PPFIA2: variants seen among roughly 807,000 people sequenced by gnomAD.
The protein encoded by PPFIA2 is liprin-alpha-2.
In PPFIA2, 46 loss-of-function variants were observed where a neutral mutation model predicts 175.5. The observed-to-expected ratio is 0.26, with a 90% confidence interval of 0.21 to 0.34. The LOEUF is 0.34. PPFIA2 is among the 10% of genes least tolerant of loss of function. The pLI is 1.00. For synonymous variants in PPFIA2, 568 were observed against 511.4 expected, an observed-to-expected ratio of 1.11 and a Z score of -1.49; for missense variants, 1,179 against 1,506.1, an observed-to-expected ratio of 0.78 and a Z score of 3.60.
intron 14 of PPFIA2, 107 bp downstream of exon 14, chr12:81,367,001 T>A (rs1595660885): frequency 1.7e-6 from 2 of 1,198,524 alleles, no homozygotes; most frequent in East Asian, 5.9e-5. Context: ...TTTACAAAGA[T>A]AGCATACTAA....
intron 4 of PPFIA2, among the ~76,000 whole-genome samples, chr12:81,461,743 A>AT (rs2054572985): frequency 6.6e-6 from 1 of 151,552 alleles, no homozygotes; most frequent in Admixed American, 6.6e-5. Context: ...CTACCTTTTC[A>AT]TTTTTTTCAA....
chr12:81,754,193 T>A lies in PPFIA2; in HGVS notation c.29A>T (p.Asn10Ile). MMCEVMPTI[N>I]EDTPMSQRGS... Reference sequence around the variant, plus strand: ...CCTTTGGCTCATTGGGGTGTCCTCATTAATCGTGGGCATCACTTCACACAT... The same window carrying A: ...CCTTTGGCTCATTGGGGTGTCCTCAATAATCGTGGGCATCACTTCACACAT... Residue 10 changes from asparagine (N) to isoleucine (I), a missense_variant, in exon 3 of 33, where the codon AAT becomes ATT. Asn to Ile is a moderately radical substitution (Grantham distance 149). Around this residue, in one of 10 missense-constraint regions of PPFIA2, gnomAD observed 128 missense variants for 141.4 expected, o/e 0.91. Coordinates refer to ENST00000549396, the MANE Select transcript of PPFIA2 (RefSeq NM_003625.5). 1.2e-6 allele frequency: 2 copies of A among 1,608,266 alleles called. No individual in the cohort carries two copies. Among genetic ancestry groups the A allele is most frequent in the Non-Finnish European group, 1.7e-6 (2 of 1,176,942 alleles).
intron 28 of PPFIA2, among the ~76,000 whole-genome samples, chr12:81,269,773 G>A (rs890713222): frequency 3.3e-5 from 5 of 151,964 alleles, no homozygotes; most frequent in Non-Finnish European, 5.9e-5. Flanking sequence ...ATTTATCTAC[G>A]CTTTAGCAAA....
rs183057839 is a variant in PPFIA2, at chr12:81,426,776, A to G, written c.645+13196T>C. Among the ~76,000 whole-genome samples the G allele has an allele frequency of 5.2e-3, 785 of 152,206 alleles. 4 individuals are homozygous for G. The highest frequency in any genetic ancestry group is 8.3e-3 in the Non-Finnish European group (567 of 68,000). On this transcript the variant is annotated intron_variant, in intron 7 of 32. Transcript: ENST00000549396. ...ACTTTCTTGTTAAAAATGACATGGG[A>G]ACAAATAGGTACTGCAGAAATCCTT...
intron 4 of PPFIA2, among the ~76,000 whole-genome samples, chr12:81,562,306 T>C (rs1301921273): frequency 6.6e-6 from 1 of 152,212 alleles, no homozygotes; most frequent in African/African-American, 2.4e-5. Context: ...GTTAATTGTC[T>C]TGATGTTCTT....
intron 3 of PPFIA2, among the ~76,000 whole-genome samples, chr12:81,718,851 G>A (rs889757438): frequency 1.3e-5 from 2 of 151,590 alleles, no homozygotes; most frequent in East Asian, 1.9e-4. Context: ...ACTGTCTGAC[G>A]TTGGCTTGGC....
At chr12:81,467,927 C>T (rs1248873687) in intron 4 of PPFIA2, among the ~76,000 whole-genome samples, 1 of 152,068 alleles carries the variant, frequency 6.6e-6, no homozygotes, top group African/African-American at 2.4e-5. Context: ...CCTTTGGGCT[C>T]CTGCTCTAAG....
chr12:81,259,811 C>A, intron 32 of PPFIA2, 151 bp from the exon 33 acceptor site: 1 of 519,906 alleles, frequency 1.9e-6, no homozygotes. Flanking sequence ...AGCCAACAGC[C>A]GTATGTAATT....
chr12:81,691,115 G>A (rs941011926), intron 3 of PPFIA2, among the ~76,000 whole-genome samples: 4 of 152,100 alleles, frequency 2.6e-5, no homozygotes, highest in Non-Finnish European at 5.9e-5. Context: ...TCCTTATGCA[G>A]CCTACCACAA....
intron 14 of PPFIA2, among the ~76,000 whole-genome samples, chr12:81,363,294 AATTT>A (rs1454723972): frequency 3.3e-5 from 5 of 151,202 alleles, no homozygotes; most frequent in South Asian, 2.1e-4. Context: ...TTAATTAATT[AATTT>A]ATTTATTTAT....
chr12:81,647,104 C>T (rs2066225435), intron 4 of PPFIA2, among the ~76,000 whole-genome samples: 1 of 150,952 alleles, frequency 6.6e-6, no homozygotes. Flanking sequence ...GGAATTTCAA[C>T]ACAAATTTGG....
At chr12:81,701,094 C>T (rs1398926298) in intron 3 of PPFIA2, among the ~76,000 whole-genome samples, 1 of 152,074 alleles carries the variant, frequency 6.6e-6, no homozygotes, top group Non-Finnish European at 1.5e-5. Flanking sequence ...AAACGGCTTC[C>T]TTCTGCACAT....
chr12:81,543,092 T>C lies in PPFIA2; in HGVS notation c.304-85226A>G, dbSNP rs530488024. On this transcript the variant is annotated intron_variant, in intron 4 of 32. Coordinates refer to ENST00000549396, the MANE Select transcript of PPFIA2 (RefSeq NM_003625.5). ...TGAATGAATCTTCCTTTTACTGCTTTTACTGTTTAAATTTGCCAGGCACAG... is the reference window on the plus strand; with the variant it reads ...TGAATGAATCTTCCTTTTACTGCTTCTACTGTTTAAATTTGCCAGGCACAG... Among the ~76,000 whole-genome samples the C allele has an allele frequency of 3.7e-3, 565 of 152,294 alleles. 3 individuals carry two copies. The highest frequency in any genetic ancestry group is 0.013 in the African/African-American group (529 of 41,574).
intron 4 of PPFIA2, among the ~76,000 whole-genome samples, chr12:81,641,026 AC>A (rs1164540925): frequency 6.6e-6 from 1 of 152,146 alleles, no homozygotes; most frequent in Non-Finnish European, 1.5e-5. Flanking sequence ...GTATTTTTAT[AC>A]ATGTACATAA....
At chr12:81,558,028 T>C (rs2069199360) in intron 4 of PPFIA2, among the ~76,000 whole-genome samples, 1 of 152,098 alleles carries the variant, frequency 6.6e-6, no homozygotes, top group African/African-American at 2.4e-5. Context: ...ATAGGGAAAG[T>C]AATGTTTAAA....
At chr12:81,733,858 A>G (rs1455123453) in intron 3 of PPFIA2, among the ~76,000 whole-genome samples, 9 of 151,754 alleles carry the variant, frequency 5.9e-5, no homozygotes, top group African/African-American at 2.4e-5. Context: ...TTTTGTTTCT[A>G]TAAGCCATCA....
chr12:81,326,220 G>A (rs747260662), intron 21 of PPFIA2, among the ~76,000 whole-genome samples: 8 of 152,178 alleles, frequency 5.3e-5, no homozygotes, highest in Admixed American at 1.3e-4. Flanking sequence ...TCTATGCAGC[G>A]TGTGAGATTT....
At chr12:81,513,444 T>C (rs917453816) in intron 4 of PPFIA2, among the ~76,000 whole-genome samples, 4 of 152,010 alleles carry the variant, frequency 2.6e-5, no homozygotes, top group African/African-American at 7.2e-5. Context: ...AAAAGAAACA[T>C]GCACCTGCAA....
intron 3 of PPFIA2, among the ~76,000 whole-genome samples, chr12:81,733,212 G>A (rs2081145375): frequency 6.6e-6 from 1 of 151,330 alleles, no homozygotes; most frequent in African/African-American, 2.4e-5. Flanking sequence ...CTCTTTTTAG[G>A]TTTTAGGTTA....
Sources: gnomAD v4.1 joint callset for allele counts (sites outside exome capture counted in the v4.1 genomes callset) on GRCh38, gnomAD v4.1.1 for gene constraint, gnomAD v4.1.1 regional missense constraint, MANE v1.5 for transcripts, NCBI Gene and HGNC (gene_info 2026-07-23, HGNC 2026-07-21) for gene names.